Variants in TUSC3 observed in about 807,000 individuals in gnomAD.
TUSC3 encodes tumor suppressor candidate 3, also known as dolichyl-diphosphooligosaccharide--protein glycosyltransferase subunit TUSC3.
TUSC3 carries 45 observed loss-of-function variants against 44.8 expected under a neutral mutation model. That is an observed-to-expected ratio of 1.00 (90% confidence interval 0.79 to 1.29). The LOEUF (loss-of-function observed/expected upper bound fraction) is 1.29, where lower values mean the gene tolerates loss of function less well. Ranked by LOEUF, TUSC3 falls within the 50% of genes most tolerant of loss-of-function variation. The pLI, the probability that TUSC3 is intolerant of heterozygous loss-of-function variation, is 0.00. For missense variants in TUSC3, 519 were observed against 437.9 expected (o/e 1.19, Z -1.65); for synonymous variants, 212 against 152.9 (o/e 1.39, Z -2.85).
Position 15,673,759 on chromosome 8 carries a change from G to T in TUSC3, c.721G>T (p.Ala241Ser). Residue 241 changes from alanine to serine, a missense_variant, in exon 6 of 11, where the codon GCT becomes TCT. By Grantham distance (99) the Ala-to-Ser change is moderately conservative (BLOSUM62 1). Coordinates refer to ENST00000503731, the MANE Select transcript of TUSC3 (RefSeq NM_006765.4). ...CCCTGTTTTTCAGTGTATAGTCTTT[G>T]CTATGACTTCTGGCCAGATGTGGAA... is the stretch of plus-strand genomic sequence containing the variant. Reference protein sequence around the residue: ...WAMVSLCIVFAMTSGQMWNHI... With the variant: ...WAMVSLCIVFSMTSGQMWNHI... The T allele has an allele frequency of 1.2e-6, 2 of 1,612,640 alleles. No individual in the cohort carries two copies. The highest frequency in any genetic ancestry group is 1.7e-4 in the Middle Eastern group (1 of 6,052).
intron 3 of TUSC3, among the ~76,000 whole-genome samples, chr8:15,652,804 G>A (rs1264887406): frequency 6.6e-6 from 1 of 152,120 alleles, no homozygotes; most frequent in Non-Finnish European, 1.5e-5. Context: ...CAACAAGACT[G>A]CTAGAGCACA....
chr8:15,763,807 T>C (rs1368753298), intron 10 of TUSC3, among the ~76,000 whole-genome samples: 1 of 152,178 alleles, frequency 6.6e-6, no homozygotes, highest in East Asian at 1.9e-4. Context: ...GATTAAATTA[T>C]ACGGTTAGAG....
At chr8:15,477,566 C>A (rs1385734771) in intron 1 of TUSC3, among the ~76,000 whole-genome samples, 1 of 151,840 alleles carries the variant, frequency 6.6e-6, no homozygotes, top group Non-Finnish European at 1.5e-5. Flanking sequence ...ACTAAAAATA[C>A]AAAAAATTAG....
intron 9 of TUSC3, among the ~76,000 whole-genome samples, chr8:15,753,957 G>A (rs559666932): frequency 6.6e-6 from 1 of 152,174 alleles, no homozygotes; most frequent in South Asian, 2.1e-4. Context: ...TAGTTGAAAG[G>A]TGAGATACTG....
chr8:15,744,785 C>T (rs1157291641), intron 8 of TUSC3, among the ~76,000 whole-genome samples: 1 of 152,000 alleles, frequency 6.6e-6, no homozygotes, highest in Non-Finnish European at 1.5e-5. Context: ...CAAATTATGC[C>T]TATGAGGACA....
At chr8:15,620,367 T>A (rs1331626638) in intron 1 of TUSC3, among the ~76,000 whole-genome samples, 1 of 152,206 alleles carries the variant, frequency 6.6e-6, no homozygotes, top group Admixed American at 6.5e-5. Flanking sequence ...TCCAGAATAT[T>A]TGTAATGGGA....
intron 6 of TUSC3, among the ~76,000 whole-genome samples, chr8:15,728,151 TATG>T (rs1376632383): frequency 6.6e-6 from 1 of 152,186 alleles, no homozygotes; most frequent in African/African-American, 2.4e-5. Flanking sequence ...CATTACATGA[TATG>T]ATGTTTTTCT....
At chr8:15,748,491 GT>G in intron 9 of TUSC3, 26 bp downstream of exon 9, 1 of 1,521,044 alleles carries the variant, frequency 6.6e-7, no homozygotes, top group Non-Finnish European at 9.1e-7. Context: ...TAACATGAAT[GT>G]TTTTATTTTT....
the TUSC3 span, among the ~76,000 whole-genome samples, chr8:15,833,753 C>T: frequency 3.7e-4 from 56 of 151,950 alleles, 1 homozygote; most frequent in South Asian, 9.8e-3. Context: ...GCTTAATACC[C>T]GGGTGACAAA....
At chr8:15,534,620 G>A (rs1388652239) in intron 2 of TUSC3, among the ~76,000 whole-genome samples, 1 of 147,860 alleles carries the variant, frequency 6.8e-6, no homozygotes, top group Non-Finnish European at 1.5e-5. Flanking sequence ...TCCAGCCTAG[G>A]TGACAGAGCG....
At chr8:15,646,919 T>C (rs931441645) in intron 2 of TUSC3, among the ~76,000 whole-genome samples, 2 of 152,178 alleles carry the variant, frequency 1.3e-5, no homozygotes, top group African/African-American at 4.8e-5. Flanking sequence ...GTTTATTCTT[T>C]TGTTTATCAC....
At chr8:15,477,298 G>C (rs557609205) in intron 1 of TUSC3, among the ~76,000 whole-genome samples, 1 of 152,064 alleles carries the variant, frequency 6.6e-6, no homozygotes, top group Non-Finnish European at 1.5e-5. Flanking sequence ...CAGTTTTCTA[G>C]GATAGAGTCT....
At chr8:15,568,998 G>A (rs1802772219) in intron 1 of TUSC3, among the ~76,000 whole-genome samples, 1 of 151,720 alleles carries the variant, frequency 6.6e-6, no homozygotes, top group Admixed American at 6.6e-5. Flanking sequence ...AGTAAATATT[G>A]CCAAGTAGAC....
chr8:15,669,512 A>G (rs1389924442), intron 5 of TUSC3, among the ~76,000 whole-genome samples: 2 of 151,826 alleles, frequency 1.3e-5, no homozygotes, highest in East Asian at 3.9e-4. Context: ...TACAGACAGT[A>G]ATAAATAAAA....
chr8:15,546,867 A>G (rs1801886716), intron 1 of TUSC3, among the ~76,000 whole-genome samples: 2 of 151,486 alleles, frequency 1.3e-5, no homozygotes, highest in South Asian at 4.2e-4. Context: ...GGTAGTTGGT[A>G]TCTGTTTGCC....
chr8:15,824,475 T>A, the TUSC3 span, among the ~76,000 whole-genome samples: 1 of 151,742 alleles, frequency 6.6e-6, no homozygotes, highest in African/African-American at 2.4e-5. Context: ...GAACTCATCA[T>A]TTTTTATGGC....
intron 1 of TUSC3, among the ~76,000 whole-genome samples, chr8:15,444,291 G>C (rs62501883): frequency 0.067 from 10,175 of 152,164 alleles, 347 homozygotes; most frequent in East Asian, 0.14. Flanking sequence ...CTCTATTCAA[G>C]GAGACGGTCA....
rs568574362 is a variant in TUSC3 at position 15,503,691 on chromosome 8, G to C, written n.189+20208G>C. The stretch of plus-strand genomic sequence containing the variant: ...TCCACTCCAGCCTGGGTAACAGAGT[G>C]AAATCTTGTGTCTTAAACAAAAAAA... On this transcript the variant is annotated intron_variant and non_coding_transcript_variant, in intron 2 of 5. Coordinates refer to the TUSC3 transcript ENST00000503191. Among the ~76,000 whole-genome samples the C allele has an allele frequency of 7.2e-5, 11 of 152,074 alleles. No individual in the cohort carries two copies. In the East Asian group the frequency reaches 1.9e-3, roughly 27 times the overall value.
intron 1 of TUSC3, among the ~76,000 whole-genome samples, chr8:15,482,404 T>C (rs1376861843): frequency 6.6e-6 from 1 of 152,228 alleles, no homozygotes; most frequent in African/African-American, 2.4e-5. Context: ...CAATATACTT[T>C]GCTCAGATCC....
Sources: gnomAD v4.1 joint callset for allele counts (sites outside exome capture counted in the v4.1 genomes callset) on GRCh38, gnomAD v4.1.1 for gene constraint, MANE v1.5 for transcripts, NCBI Gene and HGNC (gene_info 2026-07-23, HGNC 2026-07-21) for gene names.